The following TTC7B variants were observed in gnomAD, a reference collection of about 807,000 sequenced individuals.
TTC7B encodes tetratricopeptide repeat domain 7B, also known as tetratricopeptide repeat protein 7B.
TTC7B carries 28 observed loss-of-function variants against 106.8 expected under a neutral mutation model. That is an observed-to-expected ratio of 0.26 (90% CI 0.19 to 0.36). The LOEUF is 0.36. Among genes scored for constraint, TTC7B ranks in the 10% least tolerant of loss-of-function variants. The pLI is 1.00. For synonymous variants in TTC7B, 405 were observed against 430.6 expected, an observed-to-expected ratio of 0.94 and a Z score of 0.74; for missense variants, 862 against 1,076.4, an observed-to-expected ratio of 0.80 and a Z score of 2.79.
In TTC7B at chr14:90,536,119, A is replaced by G. The variant is rs1889413727; in HGVS notation, c.*5249T>C. On this transcript the variant is annotated 3_prime_UTR_variant, in exon 20 of 20. Coordinates refer to ENST00000328459, the MANE Select transcript of TTC7B (RefSeq NM_001010854.2). ...TGCCAACCTGCACACCACCAGGCCC[A>G]CGGTCAGCTCTCAGGCCACCCTGAC... 6.5e-6 allele frequency: 1 copy of G among 154,220 alleles called. No homozygotes were observed. Among genetic ancestry groups the G allele is most frequent in the Non-Finnish European group, 1.5e-5 (1 of 68,448 alleles). 9.6% of individuals were successfully genotyped at this position (154,220 alleles called of 1,614,324 possible). A position where few individuals can be genotyped will look rare whatever the true frequency, so the allele number is the denominator to read the frequency against.
chr14:90,655,013 T>C lies in TTC7B; in HGVS notation c.1439A>G (p.Tyr480Cys). The C allele has an allele frequency of 1.2e-6, 2 of 1,614,066 alleles. No homozygotes were observed. Among genetic ancestry groups the C allele is most frequent in the Non-Finnish European group, 8.5e-7 (1 of 1,179,878 alleles). The change falls in exon 12 of 20, where the codon TAC (tyrosine) becomes TGC (cysteine). Residue 480 changes from tyrosine to cysteine, a missense_variant. Coordinates refer to ENST00000328459, the MANE Select transcript of TTC7B (RefSeq NM_001010854.2). ...AKGYLALGLTYSLQATDASLR... is the reference protein window; with the variant it reads ...AKGYLALGLTCSLQATDASLR... ...CTCACCGTCAGTGGCCTGCAGACTG[T>C]ACGTGAGCCCCAGAGCTAAGTAGCC...
intron 3 of TTC7B, among the ~76,000 whole-genome samples, chr14:90,780,191 G>C (rs895415135): frequency 6.6e-6 from 1 of 152,162 alleles, no homozygotes; most frequent in East Asian, 1.9e-4. Flanking sequence ...AGACCAGCCT[G>C]ACCAACATGG....
intron 1 of TTC7B, among the ~76,000 whole-genome samples, chr14:90,793,714 T>C (rs1283464186): frequency 2.0e-5 from 3 of 146,894 alleles, no homozygotes; most frequent in Non-Finnish European, 4.5e-5. Flanking sequence ...GTTCAAGCAA[T>C]TCTCCTGCCT....
intron 1 of TTC7B, among the ~76,000 whole-genome samples, chr14:90,791,915 G>A (rs1891600773): frequency 6.6e-6 from 1 of 151,890 alleles, no homozygotes. Flanking sequence ...TTTGTTACAG[G>A]GGCCAAACTG....
intron 18 of TTC7B, among the ~76,000 whole-genome samples, chr14:90,589,704 C>T (rs937115082): frequency 1.2e-4 from 19 of 152,106 alleles, no homozygotes; most frequent in Admixed American, 8.5e-4. Context: ...AGGTAAAACC[C>T]GACAGTGCGG....
chr14:90,793,601 TTTTC>T (rs941045732), intron 1 of TTC7B, among the ~76,000 whole-genome samples: 36 of 119,026 alleles, frequency 3.0e-4, no homozygotes, highest in African/African-American at 8.8e-4. Flanking sequence ...TTGTTTGTTT[TTTTC>T]TTTTTTTCTT....
intron 16 of TTC7B, among the ~76,000 whole-genome samples, chr14:90,616,277 T>C (rs1230174126): frequency 2.0e-5 from 3 of 152,232 alleles, no homozygotes; most frequent in Non-Finnish European, 4.4e-5. Context: ...GAAGATTTCA[T>C]AGGCCAGGAG....
At chr14:90,762,314 T>C (rs1020819485) in intron 3 of TTC7B, among the ~76,000 whole-genome samples, 2 of 152,210 alleles carry the variant, frequency 1.3e-5, no homozygotes, top group African/African-American at 4.8e-5. Context: ...GTGCCTCTGC[T>C]TGACCAAACC....
chr14:90,775,393 G>T (rs1322064703), intron 3 of TTC7B, among the ~76,000 whole-genome samples: 1 of 152,154 alleles, frequency 6.6e-6, no homozygotes, highest in African/African-American at 2.4e-5. Context: ...ACCCAGTGGG[G>T]TGAAAATAAT....
At chr14:90,640,096 T>C (rs1885109087) in intron 15 of TTC7B, among the ~76,000 whole-genome samples, 1 of 152,134 alleles carries the variant, frequency 6.6e-6, no homozygotes, top group African/African-American at 2.4e-5. Context: ...CTGGCCAACG[T>C]GGTGAAACCC....
intron 8 of TTC7B, among the ~76,000 whole-genome samples, chr14:90,680,111 G>T (rs181320643): frequency 1.3e-5 from 2 of 152,326 alleles, no homozygotes; most frequent in Admixed American, 1.3e-4. Flanking sequence ...GTCACCCTTT[G>T]GGGGCCTCTT....
chr14:90,708,337 A>G (rs191861814), intron 5 of TTC7B, among the ~76,000 whole-genome samples: 1 of 152,306 alleles, frequency 6.6e-6, no homozygotes, highest in African/African-American at 2.4e-5. Flanking sequence ...GTAGCTACAG[A>G]GAAGTCAACG....
intron 1 of TTC7B, among the ~76,000 whole-genome samples, chr14:90,792,247 G>A (rs1452668738): frequency 3.9e-5 from 6 of 152,080 alleles, no homozygotes; most frequent in African/African-American, 1.4e-4. Context: ...CGCCAGAGTC[G>A]TGATGCCAAG....
intron 8 of TTC7B, among the ~76,000 whole-genome samples, chr14:90,677,339 A>G (rs1452097640): frequency 6.6e-6 from 1 of 152,198 alleles, no homozygotes; most frequent in Non-Finnish European, 1.5e-5. Flanking sequence ...GAACACCGTC[A>G]ATTTTCTATG....
intron 1 of TTC7B, among the ~76,000 whole-genome samples, chr14:90,790,866 GGC>G (rs1891563523): frequency 6.6e-6 from 1 of 152,058 alleles, no homozygotes; most frequent in Non-Finnish European, 1.5e-5. Flanking sequence ...GACCTGGGCT[GGC>G]AAAAAGCAGA....
At chr14:90,756,235 C>G (rs756897478) in intron 3 of TTC7B, among the ~76,000 whole-genome samples, 4 of 152,196 alleles carry the variant, frequency 2.6e-5, no homozygotes, top group Non-Finnish European at 4.4e-5. Context: ...CACAAATTCT[C>G]ACTAGGCACC....
intron 7 of TTC7B, among the ~76,000 whole-genome samples, chr14:90,682,490 C>A (rs1228819159): frequency 1.3e-5 from 2 of 152,192 alleles, no homozygotes; most frequent in Non-Finnish European, 2.9e-5. Flanking sequence ...ATTATGAATT[C>A]TCTAGACCCA....
chr14:90,799,706 G>A (rs550347809), intron 1 of TTC7B, among the ~76,000 whole-genome samples: 1 of 152,302 alleles, frequency 6.6e-6, no homozygotes, highest in East Asian at 1.9e-4. Context: ...AGGGCGTTGG[G>A]GTGGAGATAG....
At chr14:90,738,543 G>C (rs190528505) in intron 4 of TTC7B, among the ~76,000 whole-genome samples, 2 of 151,928 alleles carry the variant, frequency 1.3e-5, no homozygotes, top group South Asian at 4.1e-4. Context: ...GGAGGCGGAG[G>C]TTGCAGTGTG....
Sources: allele counts gnomAD v4.1 joint callset (sites outside exome capture counted in the v4.1 genomes callset), GRCh38; gene constraint gnomAD v4.1.1; transcripts MANE v1.5; gene names NCBI Gene and HGNC (gene_info 2026-07-23, HGNC 2026-07-21).